The following CELF2 variants were observed in gnomAD, a reference collection of about 807,000 sequenced individuals.
CELF2 encodes CUGBP Elav-like family member 2.
CELF2 carries 8 observed loss-of-function variants against 62.6 expected under a neutral mutation model. The ratio of observed to expected loss-of-function variants is 0.13; its 90% CI spans 0.07 to 0.23. The LOEUF (loss-of-function observed/expected upper bound fraction) is 0.23, where lower values mean the gene tolerates loss of function less well. CELF2 is among the 10% of genes least tolerant of loss of function. The pLI is 1.00. For missense variants in CELF2, 333 were observed against 671.0 expected (o/e 0.50, Z 5.56); for synonymous variants, 258 against 250.0 (o/e 1.03, Z -0.30).
chr10:11,300,246 T>C lies in CELF2; in HGVS notation c.976+11694T>C, dbSNP rs1450496565. ...GTGCTGGCCCCTCACTTCCCCGCCT[T>C]CCACATGTGTGCCACCGTACAATAA... On this transcript the variant is annotated intron_variant, in intron 9 of 12. Transcript: ENST00000633077. The surrounding 1 kb of genome is among the most constrained non-coding windows in gnomAD (Gnocchi z 5.5). 6.6e-6 allele frequency among the ~76,000 whole-genome samples: 1 copy of C among 152,132 alleles called. No homozygotes were observed. The highest frequency in any genetic ancestry group is 1.5e-5 in the Non-Finnish European group (1 of 68,006).
At chr10:10,546,227 G>A in the CELF2 span, among the ~76,000 whole-genome samples, 1 of 152,218 alleles carries the variant, frequency 6.6e-6, no homozygotes, top group Non-Finnish European at 1.5e-5. Flanking sequence ...TACTGTGTGT[G>A]TGATGTTAAT....
chr10:10,639,536 G>A, the CELF2 span, among the ~76,000 whole-genome samples: 3 of 152,050 alleles, frequency 2.0e-5, no homozygotes, highest in Non-Finnish European at 1.5e-5. Context: ...ATCTCTACTT[G>A]GACTTTGTTC....
intron 1 of CELF2, among the ~76,000 whole-genome samples, chr10:10,845,598 GTAT>G (rs1219053562): frequency 6.6e-6 from 1 of 152,102 alleles, no homozygotes; most frequent in Non-Finnish European, 1.5e-5. Context: ...ATAAAACTCA[GTAT>G]TATCTGGTTA....
chr10:10,923,226 G>C (rs2065086300), intron 2 of CELF2, among the ~76,000 whole-genome samples: 1 of 152,186 alleles, frequency 6.6e-6, no homozygotes, highest in African/African-American at 2.4e-5. Flanking sequence ...ACGCTGTGAC[G>C]TCTAGGAAAA....
At chr10:11,132,105 C>A (rs993286973) in intron 1 of CELF2, among the ~76,000 whole-genome samples, 1 of 152,222 alleles carries the variant, frequency 6.6e-6, no homozygotes, top group Non-Finnish European at 1.5e-5. Context: ...CTCAAGTTAT[C>A]CACTGGCATC....
At position 11,124,154 on chromosome 10, in the gene CELF2, GTGC is replaced by G. The variant is rs1329921240; in HGVS notation, c.75-41328_75-41326del. ...CCCATGATTCATTTATTGCCATCTGGTGCTGCCCTTGACACATGGGGATCATTA... is the reference window on the plus strand; with the variant it reads ...CCCATGATTCATTTATTGCCATCTGGTGCCCTTGACACATGGGGATCATTA... On this transcript the variant is annotated intron_variant, in intron 1 of 12. Coordinates refer to ENST00000633077, the MANE Select transcript of CELF2 (RefSeq NM_001326342.2). 2.0e-5 allele frequency among the ~76,000 whole-genome samples: 3 copies of G among 152,162 alleles called. No individual in the cohort carries two copies. In the East Asian group the frequency reaches 5.8e-4, roughly 29 times the overall value.
intron 4 of CELF2, among the ~76,000 whole-genome samples, chr10:11,252,845 A>G (rs2077549716): frequency 6.6e-6 from 1 of 152,096 alleles, no homozygotes; most frequent in Non-Finnish European, 1.5e-5. Flanking sequence ...TAAACCACCC[A>G]CCTTCCAACA....
chr10:11,305,403 C>T lies in CELF2; in HGVS notation c.977-8736C>T, dbSNP rs539116176. 1.3e-5 allele frequency among the ~76,000 whole-genome samples: 2 copies of T among 152,354 alleles called. No homozygotes were observed. Among genetic ancestry groups the T allele is most frequent in the South Asian group, 4.1e-4 (2 of 4,824 alleles). On this transcript the variant is annotated intron_variant, in intron 9 of 12. Transcript: ENST00000633077. The surrounding 1 kb of genome is among the most constrained non-coding windows in gnomAD (Gnocchi z 4.8). ...TGCATCCCTCACGGGTACACCGGGG[C>T]CAGTCCCTTCAACACTCTGGGCCTC...
At chr10:10,587,665 G>A in the CELF2 span, among the ~76,000 whole-genome samples, 1 of 152,094 alleles carries the variant, frequency 6.6e-6, no homozygotes, top group African/African-American at 2.4e-5. Context: ...CCCTTTTCAA[G>A]ACAAGTCCTA....
chr10:11,299,302 A>C (rs2093486419), intron 9 of CELF2, among the ~76,000 whole-genome samples: 1 of 152,182 alleles, frequency 6.6e-6, no homozygotes, highest in Non-Finnish European at 1.5e-5. Flanking sequence ...AGTCCTACTG[A>C]GTCCACGCGG....
At chr10:10,557,735 G>C in the CELF2 span, among the ~76,000 whole-genome samples, 3,106 of 147,078 alleles carry the variant, frequency 0.021, 110 homozygotes, top group African/African-American at 0.073. Flanking sequence ...AGTTCTCCTT[G>C]AAGAGGTCCT....
chr10:10,540,759 G>A, the CELF2 span, among the ~76,000 whole-genome samples: 6 of 152,272 alleles, frequency 3.9e-5, no homozygotes, highest in Admixed American at 3.3e-4. Flanking sequence ...TACCCAAACC[G>A]TGTCCACTGT....
chr10:11,253,478 A>C (rs1004888034), intron 4 of CELF2, among the ~76,000 whole-genome samples: 2 of 152,246 alleles, frequency 1.3e-5, no homozygotes, highest in African/African-American at 4.8e-5. Flanking sequence ...TCACGGGAAG[A>C]TGAAGAAATA....
the CELF2 span, among the ~76,000 whole-genome samples, chr10:10,762,670 CCA>C: frequency 6.6e-6 from 1 of 152,146 alleles, no homozygotes; most frequent in Non-Finnish European, 1.5e-5. Context: ...AATATCTATG[CCA>C]GTGGGCTTTA....
chr10:10,957,636 C>T lies in CELF2; in HGVS notation c.89+37637C>T, dbSNP rs2049045903. On this transcript the variant is annotated intron_variant, in intron 2 of 13. Transcript: ENST00000636488. This position sits in a 1 kb window ranked among gnomAD's most constrained non-coding sequence, Gnocchi z 4.1. Reference sequence around the variant, plus strand: ...TACCTGAAGAACACGTTCAGGATCACTTCTGTGCTCCCGATGTAGTAAAAT... The same window carrying T: ...TACCTGAAGAACACGTTCAGGATCATTTCTGTGCTCCCGATGTAGTAAAAT... Among the ~76,000 whole-genome samples the T allele has an allele frequency of 2.0e-5, 3 of 152,192 alleles. No individual in the cohort carries two copies. Among genetic ancestry groups the T allele is most frequent in the Admixed American group, 2.0e-4 (3 of 15,280 alleles).
At chr10:10,484,986 C>G in the CELF2 span, among the ~76,000 whole-genome samples, 1 of 151,984 alleles carries the variant, frequency 6.6e-6, no homozygotes, top group Non-Finnish European at 1.5e-5. Flanking sequence ...GCAGCTTGTA[C>G]TTTATATCTC....
chr10:11,257,280 G>A (rs984465140), intron 4 of CELF2, among the ~76,000 whole-genome samples: 3 of 133,094 alleles, frequency 2.3e-5, no homozygotes, highest in South Asian at 2.4e-4. Context: ...TGCCCCCATC[G>A]TCTTTCCTCT....
At chr10:10,606,329 A>T in the CELF2 span, among the ~76,000 whole-genome samples, 1 of 152,234 alleles carries the variant, frequency 6.6e-6, no homozygotes, top group Admixed American at 6.5e-5. Context: ...AATTCACTGG[A>T]CAGAGAATAA....
At chr10:10,943,916 T>C (rs1373642830) in intron 2 of CELF2, among the ~76,000 whole-genome samples, 1 of 152,128 alleles carries the variant, frequency 6.6e-6, no homozygotes, top group East Asian at 1.9e-4. Context: ...GATTGCTCTT[T>C]AATATGACTC....
Sources: allele counts gnomAD v4.1 joint callset (sites outside exome capture counted in the v4.1 genomes callset), GRCh38; gene constraint gnomAD v4.1.1; non-coding constraint Gnocchi (gnomAD v3.1); transcripts MANE v1.5; gene names NCBI Gene and HGNC (gene_info 2026-07-23, HGNC 2026-07-21).